CXXC5: variants seen among roughly 807,000 people sequenced by gnomAD.
The protein encoded by CXXC5 is CXXC-type zinc finger protein 5.
Under a neutral mutation model 17.6 loss-of-function variants are expected in CXXC5, and 2 were observed. The ratio of observed to expected loss-of-function variants is 0.11; its 90% confidence interval spans 0.05 to 0.36. The LOEUF (loss-of-function observed/expected upper bound fraction) is 0.36. Ranked by LOEUF, CXXC5 falls within the 10% of genes least tolerant of loss-of-function variation. The pLI, the probability that CXXC5 is intolerant of heterozygous loss-of-function variation, is 1.00. For synonymous variants in CXXC5, 171 were observed against 193.0 expected (o/e 0.89, Z 0.94); for missense variants, 343 against 458.3 (o/e 0.75, Z 2.30).
In CXXC5 at chr5:139,680,299, G is replaced by A. The variant is rs879067721; in HGVS notation, c.-160-65G>A. ...GGATGACAGGACCGTTGATAGTGGC[G>A]GTGGTGGCGATGTTGAAGGGGGAGG... On this transcript the variant is annotated intron_variant, in intron 1 of 2. Transcript: ENST00000302517. The A allele has an allele frequency of 1.5e-5, 9 of 600,132 alleles. No individual in the cohort carries two copies. The Admixed American group carries it at 1.6e-4, about 11-fold the overall frequency. The allele number at this position is 600,132 out of a possible 1,614,324, so 37.2% of individuals were successfully genotyped here.
intron 1 of CXXC5, among the ~76,000 whole-genome samples, chr5:139,659,941 C>T (rs868680316): frequency 6.6e-5 from 10 of 152,198 alleles, no homozygotes; most frequent in African/African-American, 1.2e-4. Context: ...CTCAGAACAG[C>T]GGGTGCCCGC....
chr5:139,647,718 G>C (rs1449788497), upstream of CXXC5, among the ~76,000 whole-genome samples: 1 of 152,212 alleles, frequency 6.6e-6, no homozygotes, highest in East Asian at 1.9e-4. Context: ...GCTGATGCCT[G>C]CCTGAGAGAT....
chr5:139,675,068 C>A (rs1289093657), intron 1 of CXXC5, among the ~76,000 whole-genome samples: 1 of 152,170 alleles, frequency 6.6e-6, no homozygotes, highest in Non-Finnish European at 1.5e-5. Context: ...TTGTTTCACG[C>A]TGGTTCATGT....
Position 139,682,914 on chromosome 5 carries a change from C to T in CXXC5, c.*7C>T, listed in dbSNP as rs772044085. 47 of 1,588,958 alleles carry T rather than the reference C, an allele frequency of 3.0e-5. No individual in the cohort carries two copies. The East Asian group carries it at 7.2e-4, about 24-fold the overall frequency. On this transcript the variant is annotated 3_prime_UTR_variant, in exon 3 of 3. Coordinates refer to ENST00000302517, the MANE Select transcript of CXXC5 (RefSeq NM_016463.9). Reference sequence around the variant, plus strand: ...CTTCCGGTGGTTTCAGTGACGGCGGCGGAACCCAAAGCTGCCCTCTCCGTG... The same window carrying T: ...CTTCCGGTGGTTTCAGTGACGGCGGTGGAACCCAAAGCTGCCCTCTCCGTG...
chr5:139,676,836 C>G (rs1474936271), intron 1 of CXXC5, among the ~76,000 whole-genome samples: 2 of 151,852 alleles, frequency 1.3e-5, no homozygotes, highest in Non-Finnish European at 2.9e-5. Flanking sequence ...TCTCCACTAA[C>G]CTTGACCCTC....
chr5:139,656,199 C>T (rs1340625841), intron 1 of CXXC5, among the ~76,000 whole-genome samples: 2 of 152,268 alleles, frequency 1.3e-5, no homozygotes, highest in African/African-American at 4.8e-5. Context: ...CCTACACACC[C>T]AAGTAGGGGC....
At chr5:139,672,133 T>C (rs1034118942) in intron 1 of CXXC5, among the ~76,000 whole-genome samples, 1 of 152,212 alleles carries the variant, frequency 6.6e-6, no homozygotes, top group African/African-American at 2.4e-5. Context: ...ATTTATTGTT[T>C]TGAGATGGAG....
intron 1 of CXXC5, chr5:139,679,601 G>C (rs1470020432): frequency 6.6e-6 from 1 of 152,208 alleles, no homozygotes; most frequent in Admixed American, 6.5e-5. Context: ...TTAATGATCT[G>C]TACCATCAAG....
intron 1 of CXXC5, among the ~76,000 whole-genome samples, chr5:139,656,701 C>T (rs1032212601): frequency 2.6e-5 from 4 of 152,260 alleles, no homozygotes; most frequent in Admixed American, 6.5e-5. Context: ...TTGCGGCCCC[C>T]GTTAACTGCT....
chr5:139,674,136 C>G (rs1756644316), intron 1 of CXXC5, among the ~76,000 whole-genome samples: 2 of 152,120 alleles, frequency 1.3e-5, no homozygotes, highest in African/African-American at 4.8e-5. Context: ...GGATGTGTGC[C>G]CTGTGCTCTC....
At chr5:139,679,033 A>G (rs1298261074) in intron 1 of CXXC5, among the ~76,000 whole-genome samples, 1 of 152,196 alleles carries the variant, frequency 6.6e-6, no homozygotes, top group Non-Finnish European at 1.5e-5. Flanking sequence ...CTGCCCCGGG[A>G]TGGGCTGCCT....
chr5:139,675,680 C>A (rs2126807455), intron 1 of CXXC5: 3 of 152,322 alleles, frequency 2.0e-5, no homozygotes, highest in Middle Eastern at 6.8e-3. Flanking sequence ...TGCTAGGCAC[C>A]AGCTGTTTGA....
chr5:139,675,150 C>T (rs775772519), intron 1 of CXXC5, among the ~76,000 whole-genome samples: 1 of 152,166 alleles, frequency 6.6e-6, no homozygotes, highest in Non-Finnish European at 1.5e-5. Context: ...TCTGCTGTCT[C>T]TCCGGTATCA....
chr5:139,664,816 A>G (rs1404379405), intron 1 of CXXC5, among the ~76,000 whole-genome samples: 1 of 152,120 alleles, frequency 6.6e-6, no homozygotes, highest in African/African-American at 2.4e-5. Context: ...TCCACTGTCC[A>G]CACTTGCTTG....
intron 2 of CXXC5, 46 bp from the exon 3 acceptor site, chr5:139,682,817 A>G: frequency 1.3e-6 from 2 of 1,557,368 alleles, no homozygotes; most frequent in Non-Finnish European, 1.7e-6. Context: ...GCCTACCCGG[A>G]CCCTGACTGA....
At chr5:139,660,489 A>G (rs1286694623) in intron 1 of CXXC5, among the ~76,000 whole-genome samples, 2 of 152,158 alleles carry the variant, frequency 1.3e-5, no homozygotes, top group East Asian at 3.9e-4. Context: ...TGCTCTGGGG[A>G]GGGGACCTCA....
intron 1 of CXXC5, among the ~76,000 whole-genome samples, chr5:139,666,734 C>T (rs921768737): frequency 1.3e-5 from 2 of 152,218 alleles, no homozygotes; most frequent in East Asian, 1.9e-4. Flanking sequence ...GGTGCAGGGA[C>T]GCATAACCAC....
intron 1 of CXXC5, among the ~76,000 whole-genome samples, chr5:139,677,718 G>A (rs2126815313): frequency 6.6e-6 from 1 of 152,326 alleles, no homozygotes; most frequent in South Asian, 2.1e-4. Context: ...GGGGGTGGGT[G>A]GGCCCTGAAG....
intron 1 of CXXC5, among the ~76,000 whole-genome samples, chr5:139,677,844 G>T (rs1367852641): frequency 6.6e-6 from 1 of 152,254 alleles, no homozygotes; most frequent in Non-Finnish European, 1.5e-5. Flanking sequence ...CAGCCAGAGC[G>T]CCAGCCCTGA....
Sources: allele counts gnomAD v4.1 joint callset (sites outside exome capture counted in the v4.1 genomes callset), GRCh38; gene constraint gnomAD v4.1.1; transcripts MANE v1.5; gene names NCBI Gene and HGNC (gene_info 2026-07-23, HGNC 2026-07-21).